Variants in SPATS2 observed in about 807,000 individuals in gnomAD.
The protein encoded by SPATS2 is spermatogenesis-associated serine-rich protein 2.
Under a neutral mutation model 63.7 loss-of-function variants are expected in SPATS2, and 38 were observed. That is an observed-to-expected ratio of 0.60 (90% CI 0.46 to 0.78). SPATS2 has a LOEUF of 0.78. Ranked by LOEUF, SPATS2 falls within the 30% of genes least tolerant of loss-of-function variation. The probability of loss-of-function intolerance (pLI) is 0.00; values close to 1 mark genes in which losing one functional copy is unlikely to be tolerated. For synonymous variants in SPATS2, 207 were observed against 232.9 expected (o/e 0.89, Z 1.01); for missense variants, 588 against 666.2 (o/e 0.88, Z 1.29).
chr12:49,468,450 G>A (rs1945970088), intron 3 of SPATS2, among the ~76,000 whole-genome samples: 1 of 146,806 alleles, frequency 6.8e-6, no homozygotes, highest in Non-Finnish European at 1.5e-5. Flanking sequence ...GTGAACCACT[G>A]TGCCCGGCCT....
Position 49,526,440 on chromosome 12 carries a change from T to A in SPATS2, c.*185T>A. The A allele has an allele frequency of 8.5e-6, 6 of 707,748 alleles. No individual in the cohort carries two copies. Among genetic ancestry groups the A allele is most frequent in the Non-Finnish European group, 1.3e-5 (6 of 449,752 alleles). 43.8% of individuals were successfully genotyped at this position (707,748 alleles called of 1,614,324 possible). On this transcript the variant is annotated 3_prime_UTR_variant, in exon 14 of 14. Transcript: ENST00000552918. ...TTTACCATTTTTGGAGGGGAAGCTA[T>A]TTTTTTTCCTTGATCTTTCCCAGTG... is the stretch of plus-strand genomic sequence containing the variant.
At position 49,500,132 on chromosome 12, in the gene SPATS2, C is replaced by A; in HGVS notation, c.766C>A (p.Arg256=). 2 of 1,610,484 alleles carry A rather than the reference C, an allele frequency of 1.2e-6. No individual in the cohort carries two copies. Among genetic ancestry groups the A allele is most frequent in the Non-Finnish European group, 1.7e-6 (2 of 1,178,800 alleles). The change falls in exon 9 of 14, where the codon CGA becomes AGA. Residue 256 remains arginine, a synonymous_variant. Transcript: ENST00000552918. ...CTGCACAGTGTCTCTTGCACGGTAT[C>A]GAGTTGTAGTTAAAGAAGAGATGGA... ...QRCTVSLARY[R]VVVKEEMDAS...
intron 2 of SPATS2, among the ~76,000 whole-genome samples, chr12:49,455,380 GA>G (rs1028568793): frequency 9.9e-5 from 15 of 152,158 alleles, no homozygotes; most frequent in African/African-American, 3.6e-4. Context: ...TCTGCATCAT[GA>G]ATGTGTGGAA....
intron 3 of SPATS2, chr12:49,469,557 A>G (rs113507651): frequency 0.032 from 13,933 of 430,568 alleles, 619 homozygotes; most frequent in African/African-American, 0.15. Flanking sequence ...AAAAAAAAAA[A>G]AAAAAAAGAA....
At chr12:49,469,389 CA>C (rs779364300) in intron 3 of SPATS2, 6,838 of 68,892 alleles carry the variant, frequency 0.099, 4 homozygotes, top group South Asian at 0.13. Context: ...GACTCTGTCT[CA>C]AAAAAAAAAA....
intron 2 of SPATS2, among the ~76,000 whole-genome samples, chr12:49,388,540 A>AT (rs1207876472): frequency 2.0e-5 from 3 of 151,186 alleles, no homozygotes; most frequent in African/African-American, 7.3e-5. Context: ...TGCTGGACTA[A>AT]TTTTTTTTAT....
chr12:49,430,853 C>T (rs1945172723), intron 2 of SPATS2, among the ~76,000 whole-genome samples: 1 of 152,100 alleles, frequency 6.6e-6, no homozygotes, highest in Non-Finnish European at 1.5e-5. Context: ...GCATGTGCCA[C>T]CACACCTGGC....
rs372639921 is a variant in SPATS2, at chr12:49,526,002, A to G, written c.1385A>G (p.Asn462Ser). Residue 462 changes from asparagine (N) to serine (S), a missense_variant, in exon 14 of 14, where the codon AAT becomes AGT. Coordinates refer to ENST00000552918, the MANE Select transcript of SPATS2 (RefSeq NM_023071.4). ...QGYRPQGQKS[N>S]DPMNQGRHDS... is the part of the protein sequence containing the mutation. Reference sequence around the variant, plus strand: ...TATAGGCCACAAGGCCAAAAGTCCAATGACCCCATGAACCAAGGGCGGCAT... The same window carrying G: ...TATAGGCCACAAGGCCAAAAGTCCAGTGACCCCATGAACCAAGGGCGGCAT... 16 of 1,614,174 alleles carry G rather than the reference A, an allele frequency of 9.9e-6. No individual in the cohort carries two copies. The highest frequency in any genetic ancestry group is 6.7e-5 in the East Asian group (3 of 44,902).
At position 49,398,103 on chromosome 12, in the gene SPATS2, T is replaced by G. The variant is rs943667605; in HGVS notation, c.-244+26813T>G. 3.5e-5 allele frequency among the ~76,000 whole-genome samples: 4 copies of G among 115,666 alleles called. 1 individual carries two copies. Among genetic ancestry groups the G allele is most frequent in the African/African-American group, 1.4e-4 (4 of 28,298 alleles). 75.9% of individuals were successfully genotyped at this position (115,666 alleles called of 152,430 possible). ...TTGCAGTGAGATCAAGCCACTGCAC[T>G]CCAGCCTGGGAGACAGAGGGAGACC... On this transcript the variant is annotated intron_variant, in intron 2 of 13. Transcript: ENST00000552918.
intron 4 of SPATS2, among the ~76,000 whole-genome samples, chr12:49,488,398 C>G (rs1034575178): frequency 1.8e-4 from 28 of 152,124 alleles, no homozygotes; most frequent in African/African-American, 6.7e-4. Context: ...TAGCTCAAAG[C>G]CTGTAATCCC....
Position 49,522,763 on chromosome 12 carries a change from G to T in SPATS2, c.1021G>T (p.Glu341Ter). 1.2e-6 allele frequency: 2 copies of T among 1,613,432 alleles called. No individual in the cohort carries two copies. Among genetic ancestry groups the T allele is most frequent in the South Asian group, 2.2e-5 (2 of 90,998 alleles). The stretch of plus-strand genomic sequence containing the variant: ...GTCCTTTCTCCAGCACTTTGTTAGT[G>T]AACGTAAATATGATGAGGATCTGGG... ...LRADIKHFVSERKYDEDLGRV... is the reference protein window; with the variant it reads ...LRADIKHFVS Residue 341 changes from glutamate (E) to a stop codon, truncating the protein, a stop_gained, in exon 12 of 14, where the codon GAA becomes TAA. Transcript: ENST00000552918. LOFTEE classifies it high-confidence loss of function.
chr12:49,432,725 G>C (rs1052099753), intron 2 of SPATS2, among the ~76,000 whole-genome samples: 2 of 152,090 alleles, frequency 1.3e-5, no homozygotes, highest in African/African-American at 2.4e-5. Flanking sequence ...TGTCCTCAAG[G>C]TTCCTCCATG....
chr12:49,389,366 G>C, intron 2 of SPATS2: 4 of 518,442 alleles, frequency 7.7e-6, no homozygotes, highest in Non-Finnish European at 3.5e-6. Flanking sequence ...CGCTGCCTCC[G>C]TCTGGTTCAG....
At chr12:49,401,327 A>C (rs1216864591) in intron 2 of SPATS2, among the ~76,000 whole-genome samples, 1 of 152,050 alleles carries the variant, frequency 6.6e-6, no homozygotes, top group Admixed American at 6.5e-5. Context: ...TTCCTTTTTA[A>C]AGCCACATTT....
At chr12:49,476,629 C>G (rs182733649) in intron 3 of SPATS2, among the ~76,000 whole-genome samples, 11 of 152,290 alleles carry the variant, frequency 7.2e-5, no homozygotes, top group Admixed American at 6.5e-4. Context: ...TCCGTATGCT[C>G]CCCTAGAGGT....
intron 2 of SPATS2, among the ~76,000 whole-genome samples, chr12:49,410,929 CTT>C (rs1341351011): frequency 2.6e-5 from 4 of 151,244 alleles, no homozygotes; most frequent in Admixed American, 6.6e-5. Flanking sequence ...GTTCCTGACA[CTT>C]TTAGTTTTAT....
intron 3 of SPATS2, among the ~76,000 whole-genome samples, chr12:49,482,663 C>T (rs1946226402): frequency 6.6e-6 from 1 of 152,208 alleles, no homozygotes; most frequent in Non-Finnish European, 1.5e-5. Flanking sequence ...TTCGCTTCCT[C>T]TTTGGGATCT....
chr12:49,481,767 C>T, intron 3 of SPATS2, among the ~76,000 whole-genome samples: 1 of 152,006 alleles, frequency 6.6e-6, no homozygotes, highest in Non-Finnish European at 1.5e-5. Flanking sequence ...CTGGCCTAGG[C>T]ATCCTCATAT....
At chr12:49,417,526 G>A (rs771979922) in intron 2 of SPATS2, among the ~76,000 whole-genome samples, 4 of 152,218 alleles carry the variant, frequency 2.6e-5, no homozygotes, top group Non-Finnish European at 5.9e-5. Flanking sequence ...CTCACCTTAT[G>A]TGGTGATCTG....
Sources: allele counts gnomAD v4.1 joint callset (sites outside exome capture counted in the v4.1 genomes callset), GRCh38; gene constraint gnomAD v4.1.1; transcripts MANE v1.5; gene names NCBI Gene and HGNC (gene_info 2026-07-23, HGNC 2026-07-21).